DNAJB6: variants seen among roughly 807,000 people sequenced by gnomAD.
The protein encoded by DNAJB6 is DnaJ heat shock protein family (Hsp40) member B6, also known as dnaJ homolog subfamily B member 6.
A neutral mutation model predicts 42.7 loss-of-function variants in DNAJB6; 16 were observed. The observed-to-expected ratio is 0.37, with a 90% CI of 0.25 to 0.57. The LOEUF (loss-of-function observed/expected upper bound fraction) is 0.57. Among genes scored for constraint, DNAJB6 ranks in the 20% least tolerant of loss-of-function variants. DNAJB6 has a pLI of 0.74. For missense variants in DNAJB6, 347 were observed against 416.8 expected (o/e 0.83, Z 1.46); for synonymous variants, 170 against 163.5 (o/e 1.04, Z -0.30).
chr7:157,344,825 G>A (rs1342552374), intron 1 of DNAJB6, among the ~76,000 whole-genome samples: 1 of 152,002 alleles, frequency 6.6e-6, no homozygotes, highest in Admixed American at 6.6e-5. Flanking sequence ...GTTACTCAGC[G>A]TGGTCTTGAA....
chr7:157,395,141 G>C (rs1388136207), intron 8 of DNAJB6, among the ~76,000 whole-genome samples: 2 of 152,076 alleles, frequency 1.3e-5, no homozygotes, highest in Admixed American at 6.6e-5. Context: ...CAGAGAGTTA[G>C]CTGTTTGTCT....
At position 157,341,793 on chromosome 7, in the gene DNAJB6, A is replaced by G. The variant is rs374581792; in HGVS notation, c.-27+4649A>G. 6.6e-5 allele frequency among the ~76,000 whole-genome samples: 10 copies of G among 152,324 alleles called. No homozygotes were observed. In the East Asian group the frequency reaches 9.6e-4, roughly 15 times the overall value. On this transcript the variant is annotated intron_variant, in intron 1 of 9. Transcript: ENST00000262177. ...TGTATGTCCTGATGACCTTCCTGTG[A>G]TTAATAATGGAATCCAGAATTCAAG...
chr7:157,393,461 T>C (rs1801443786), intron 8 of DNAJB6, among the ~76,000 whole-genome samples: 1 of 152,218 alleles, frequency 6.6e-6, no homozygotes, highest in African/African-American at 2.4e-5. Context: ...ACTGTGTTTA[T>C]GTCCCAAAAT....
At chr7:157,359,283 A>T (rs1014002851) in intron 2 of DNAJB6, among the ~76,000 whole-genome samples, 1 of 152,232 alleles carries the variant, frequency 6.6e-6, no homozygotes, top group Non-Finnish European at 1.5e-5. Context: ...ACTTAAAAAA[A>T]TTGTTAATAA....
chr7:157,395,947 A>G (rs55673135), intron 8 of DNAJB6, among the ~76,000 whole-genome samples: 2,228 of 62,710 alleles, frequency 0.036, 88 homozygotes, highest in Middle Eastern at 0.07. Flanking sequence ...TGAGCCTGTA[A>G]TTTTTTTTTT....
At chr7:157,355,919 C>G (rs939825268) in intron 1 of DNAJB6, among the ~76,000 whole-genome samples, 6 of 152,196 alleles carry the variant, frequency 3.9e-5, no homozygotes, top group Non-Finnish European at 8.8e-5. Flanking sequence ...GGCCACGCGG[C>G]CCTCACCCAC....
intron 8 of DNAJB6, 126 bp from the exon 9 acceptor site, chr7:157,409,669 C>T: frequency 9.1e-7 from 1 of 1,098,182 alleles, no homozygotes; most frequent in Non-Finnish European, 1.3e-6. Flanking sequence ...TAACCTCTTT[C>T]TCCTGCCCGG....
chr7:157,374,611 T>C (rs1288855534), intron 5 of DNAJB6, among the ~76,000 whole-genome samples: 1 of 152,144 alleles, frequency 6.6e-6, no homozygotes, highest in African/African-American at 2.4e-5. Flanking sequence ...GCCATGTTAG[T>C]GATCTGCGAT....
At chr7:157,406,665 C>T (rs903293059) in intron 8 of DNAJB6, among the ~76,000 whole-genome samples, 107 of 152,324 alleles carry the variant, frequency 7.0e-4, no homozygotes, top group African/African-American at 2.4e-3. Context: ...CCCCCAGTCA[C>T]TCCAGGGCTT....
At chr7:157,384,648 C>G (rs969835522) in intron 6 of DNAJB6, among the ~76,000 whole-genome samples, 1 of 152,218 alleles carries the variant, frequency 6.6e-6, no homozygotes, top group Non-Finnish European at 1.5e-5. Flanking sequence ...AGGCTGCACT[C>G]TCGCGTTGCC....
chr7:157,368,904 TG>T (rs1799973549), intron 5 of DNAJB6: 3 of 210,168 alleles, frequency 1.4e-5, no homozygotes, highest in African/African-American at 7.1e-5. Flanking sequence ...AGCTCCTGCC[TG>T]CCGCAGGCAC....
chr7:157,382,510 CT>C, intron 6 of DNAJB6, 133 bp downstream of exon 6: 23 of 988,282 alleles, frequency 2.3e-5, no homozygotes, highest in East Asian at 8.8e-5. Flanking sequence ...GATTTGCCAG[CT>C]TTTTTTGGTA....
intron 5 of DNAJB6, chr7:157,380,688 C>T (rs2117067870): frequency 6.6e-6 from 1 of 152,422 alleles, no homozygotes; most frequent in East Asian, 1.9e-4. Flanking sequence ...TCTTCTGTCT[C>T]TTGGCCACCT....
At chr7:157,401,787 G>T (rs1359821689) in intron 8 of DNAJB6, among the ~76,000 whole-genome samples, 1 of 152,222 alleles carries the variant, frequency 6.6e-6, no homozygotes, top group South Asian at 2.1e-4. Flanking sequence ...GGACCGAGGC[G>T]GTGTGAGTGT....
At chr7:157,358,741 A>G (rs917944262) in intron 2 of DNAJB6, 104 bp downstream of exon 2, 1 of 887,020 alleles carries the variant, frequency 1.1e-6, no homozygotes, top group Admixed American at 2.0e-5. Context: ...TTAATGTAGT[A>G]TACCAGTCTT....
intron 6 of DNAJB6, among the ~76,000 whole-genome samples, chr7:157,383,835 A>C (rs1000562840): frequency 1.3e-5 from 2 of 152,374 alleles, no homozygotes; most frequent in East Asian, 3.9e-4. Flanking sequence ...AAGATGGAAC[A>C]TGGGAAGCAG....
At chr7:157,339,279 A>AG (rs1798214626) in intron 1 of DNAJB6, among the ~76,000 whole-genome samples, 1 of 73,582 alleles carries the variant, frequency 1.4e-5, no homozygotes, top group Non-Finnish European at 2.8e-5. Context: ...GTCTGTTTGC[A>AG]CCTTTTTTTT....
intron 5 of DNAJB6, chr7:157,369,072 A>T (rs1799983483): frequency 5.5e-6 from 2 of 361,844 alleles, no homozygotes; most frequent in South Asian, 2.1e-5. Flanking sequence ...GAGGAAGGAC[A>T]GTCAGTGGCC....
chr7:157,375,625 T>G (rs1038194440), intron 5 of DNAJB6, among the ~76,000 whole-genome samples: 3 of 152,254 alleles, frequency 2.0e-5, no homozygotes, highest in Non-Finnish European at 4.4e-5. Context: ...AGCCCTGTTC[T>G]CAGGGCGTGC....
Sources: allele counts gnomAD v4.1 joint callset (sites outside exome capture counted in the v4.1 genomes callset), GRCh38; gene constraint gnomAD v4.1.1; transcripts MANE v1.5; gene names NCBI Gene and HGNC (gene_info 2026-07-23, HGNC 2026-07-21).